The following IK variants were observed in gnomAD, a reference collection of about 807,000 sequenced individuals.
IK encodes IK cytokine.
Under a neutral mutation model 90.9 loss-of-function variants are expected in IK, and 47 were observed. That is an observed-to-expected ratio of 0.52 (90% confidence interval 0.41 to 0.66). The LOEUF (loss-of-function observed/expected upper bound fraction) is 0.66. Among genes scored for constraint, IK ranks in the 30% least tolerant of loss-of-function variants. The probability of loss-of-function intolerance (pLI) is 0.00; values close to 1 mark genes in which losing one functional copy is unlikely to be tolerated. For synonymous variants in IK, 201 were observed against 227.5 expected, an observed-to-expected ratio of 0.88 and a Z score of 1.05; for missense variants, 385 against 709.3, an observed-to-expected ratio of 0.54 and a Z score of 5.19.
intron 10 of IK, among the ~76,000 whole-genome samples, chr5:140,658,400 C>G (rs188145425): frequency 9.1e-4 from 139 of 152,296 alleles, no homozygotes; most frequent in African/African-American, 2.6e-3. Context: ...TCACTGCAAC[C>G]TCTGCCTCCT....
chr5:140,654,866 C>T (rs969893805), intron 8 of IK, 139 bp downstream of exon 8: 7 of 678,386 alleles, frequency 1.0e-5, no homozygotes, highest in African/African-American at 9.1e-5. Context: ...CTCACTTAAT[C>T]GCCCAGGCTG....
intron 2 of IK, among the ~76,000 whole-genome samples, chr5:140,651,241 C>T (rs1474225489): frequency 6.7e-6 from 1 of 148,970 alleles, no homozygotes; most frequent in Non-Finnish European, 1.5e-5. Flanking sequence ...CACCTGAGGT[C>T]AGAAGTTTGG....
intron 2 of IK, among the ~76,000 whole-genome samples, chr5:140,651,044 A>T (rs549967049): frequency 6.6e-6 from 1 of 152,338 alleles, no homozygotes; most frequent in African/African-American, 2.4e-5. Flanking sequence ...CAAATTGGTT[A>T]TACTGGTTTA....
intron 4 of IK, 39 bp downstream of exon 4, chr5:140,652,186 T>G: frequency 1.3e-6 from 2 of 1,508,852 alleles, no homozygotes; most frequent in South Asian, 2.3e-5. Context: ...TTAAGGTGGA[T>G]AGTGTTTAGG....
At chr5:140,654,190 G>A in intron 6 of IK, 138 bp downstream of exon 6, 3 of 639,660 alleles carry the variant, frequency 4.7e-6, no homozygotes, top group East Asian at 5.5e-5. Context: ...CTGAAAAGCT[G>A]ATTGCTACTC....
rs772004082 is a variant in IK at position 140,655,874 on chromosome 5, G to T, written c.683G>T (p.Arg228Leu). The T allele has an allele frequency of 1.9e-6, 3 of 1,608,042 alleles. No individual in the cohort carries two copies. The highest frequency in any genetic ancestry group is 1.7e-4 in the Middle Eastern group (1 of 6,052). The change falls in exon 9 of 20, where the codon CGG (arginine) becomes CTG (leucine). Residue 228 changes from arginine (R) to leucine (L), a missense_variant. Physicochemically the swap from Arg to Leu is moderately radical, Grantham distance 102 (BLOSUM62 -2). Coordinates refer to ENST00000417647, the MANE Select transcript of IK (RefSeq NM_006083.4). ...RMLFKSKAYERNELFLPGRMA... is the reference protein window; with the variant it reads ...RMLFKSKAYELNELFLPGRMA... ...CTTTTTAAGAGCAAAGCATATGAGC[G>T]GAATGAGTTGTTCCTGCCGGGCCGC...
chr5:140,654,708 T>A lies in IK; in HGVS notation c.618T>A (p.Ile206=), dbSNP rs778816423. Residue 206 remains isoleucine, a synonymous_variant, in exon 8 of 20, where the codon ATT becomes ATA. Coordinates refer to ENST00000417647, the MANE Select transcript of IK (RefSeq NM_006083.4). ...TKKDEDPENK[I]EFKTRLGRNV... The stretch of plus-strand genomic sequence containing the variant: ...AAGATGAGGATCCTGAAAATAAAAT[T>A]GAATTTAAAACACGTCTGGGTGAGT... 6.2e-7 allele frequency: 1 copy of A among 1,603,930 alleles called. No individual in the cohort carries two copies. Among genetic ancestry groups the A allele is most frequent in the South Asian group, 1.1e-5 (1 of 89,886 alleles).
intron 2 of IK, 35 bp from the exon 3 acceptor site, chr5:140,651,679 G>T: frequency 9.7e-7 from 1 of 1,027,466 alleles, no homozygotes; most frequent in South Asian, 1.3e-5. Flanking sequence ...TTCTTATTGA[G>T]TCCTAATATT....
chr5:140,650,501 C>T (rs1485638820), intron 2 of IK, among the ~76,000 whole-genome samples: 4 of 152,172 alleles, frequency 2.6e-5, no homozygotes, highest in African/African-American at 7.2e-5. Context: ...CTGTCTTTCC[C>T]TCTTTGGGAA....
chr5:140,654,065 G>A lies in IK; in HGVS notation c.519+13G>A. The A allele has an allele frequency of 2.8e-6, 4 of 1,452,862 alleles. No individual in the cohort carries two copies. Among genetic ancestry groups the A allele is most frequent in the Non-Finnish European group, 3.9e-6 (4 of 1,034,144 alleles). The allele number at this position is 1,452,862 out of a possible 1,614,324, so 90.0% of individuals were successfully genotyped here. Reference sequence around the variant, plus strand: ...TCTGCTTCAAAAGGTGAGTCCTGGTGGTCAGGTGGGGAGTAATACTGTCGT... The same window carrying A: ...TCTGCTTCAAAAGGTGAGTCCTGGTAGTCAGGTGGGGAGTAATACTGTCGT... On this transcript the variant is annotated intron_variant, in intron 6 of 19. Coordinates refer to ENST00000417647, the MANE Select transcript of IK (RefSeq NM_006083.4).
chr5:140,660,284 G>T, intron 15 of IK, 89 bp downstream of exon 15: 1 of 540,326 alleles, frequency 1.9e-6, no homozygotes, highest in Non-Finnish European at 3.0e-6. Context: ...TAAGTCCCAG[G>T]GCTACTTCTT....
At chr5:140,650,156 G>T (rs1266326369) in intron 2 of IK, among the ~76,000 whole-genome samples, 1 of 152,138 alleles carries the variant, frequency 6.6e-6, no homozygotes, top group Non-Finnish European at 1.5e-5. Context: ...GTTGCTTTTA[G>T]TAATTTTCTA....
intron 5 of IK, 143 bp from the exon 6 acceptor site, chr5:140,653,795 G>A: frequency 1.8e-6 from 1 of 568,206 alleles, no homozygotes; most frequent in South Asian, 2.2e-5. Flanking sequence ...AGTAGAGATG[G>A]GGTTTCACCA....
chr5:140,659,204 C>T (rs1561979562), intron 12 of IK, 40 bp downstream of exon 12: 5 of 1,601,674 alleles, frequency 3.1e-6, no homozygotes, highest in Middle Eastern at 1.7e-4. Context: ...TGGAGTTGCC[C>T]CTCTCTGGAA....
rs1193420534 is a variant in IK, at chr5:140,661,614, C to T, written c.1414-6C>T. 6.3e-7 allele frequency: 1 copy of T among 1,599,404 alleles called. No homozygotes were observed. The highest frequency in any genetic ancestry group is 8.5e-7 in the Non-Finnish European group (1 of 1,171,458). On this transcript the variant is annotated splice_polypyrimidine_tract_variant and splice_region_variant and intron_variant, in intron 16 of 19. Transcript: ENST00000417647. This position sits in a 1 kb window ranked among gnomAD's most constrained non-coding sequence, Gnocchi z 4.2. ...TTCCCCATCCCCCGATTCTGTCCTG[C>T]AACAGGGTAACAAGAAGGGGCCCTT...
At position 140,651,726 on chromosome 5, in the gene IK, C is replaced by T; in HGVS notation, c.96C>T (p.Thr32=). The T allele has an allele frequency of 6.2e-7, 1 of 1,604,260 alleles. No homozygotes were observed. The highest frequency in any genetic ancestry group is 1.1e-5 in the South Asian group (1 of 90,462). ...CCTTTTCTTCTAGATCAAAACTCAC[C>T]AATGAAGACTTCAGGAAACTTCTCA... is the stretch of plus-strand genomic sequence containing the variant. The part of the protein sequence containing the change: ...DPHSFHQSKL[T]NEDFRKLLMT... Residue 32 remains threonine (T), a synonymous_variant, in exon 3 of 20, where the codon ACC becomes ACT. Transcript: ENST00000417647.
chr5:140,652,846 C>A, intron 4 of IK, 131 bp from the exon 5 acceptor site: 1 of 737,236 alleles, frequency 1.4e-6, no homozygotes, highest in Non-Finnish European at 2.2e-6. Flanking sequence ...GCCAGCAGTT[C>A]TATCAGGACA....
intron 3 of IK, 131 bp downstream of exon 3, chr5:140,651,937 C>A: frequency 1.2e-6 from 1 of 810,902 alleles, no homozygotes; most frequent in Non-Finnish European, 2.1e-6. Flanking sequence ...GAGAACTGCC[C>A]ACCTACAAAT....
chr5:140,648,729 G>A (rs369668138), intron 2 of IK, among the ~76,000 whole-genome samples, 192 bp downstream of exon 2: 1 of 146,424 alleles, frequency 6.8e-6, no homozygotes, highest in Non-Finnish European at 1.5e-5. Flanking sequence ...ATTCCTGCAG[G>A]AAAGGTGTTA....
Sources: gnomAD v4.1 joint callset for allele counts (sites outside exome capture counted in the v4.1 genomes callset) on GRCh38, gnomAD v4.1.1 for gene constraint, Gnocchi (gnomAD v3.1) non-coding constraint, MANE v1.5 for transcripts, NCBI Gene and HGNC (gene_info 2026-07-23, HGNC 2026-07-21) for gene names.